Variants in GABPB1 observed in about 807,000 individuals in gnomAD.
GABPB1 encodes GA-binding protein subunit beta-1.
GABPB1 carries 15 observed loss-of-function variants against 45.9 expected under a neutral mutation model. That is an observed-to-expected ratio of 0.33 (90% confidence interval 0.22 to 0.50). GABPB1 has a LOEUF of 0.50. Among genes scored for constraint, GABPB1 ranks in the 20% least tolerant of loss-of-function variants. The probability of loss-of-function intolerance (pLI) is 0.98; values close to 1 mark genes in which losing one functional copy is unlikely to be tolerated. For missense variants in GABPB1, 252 were observed against 457.5 expected (o/e 0.55, Z 4.10); for synonymous variants, 143 against 154.4 (o/e 0.93, Z 0.55).
intron 8 of GABPB1, among the ~76,000 whole-genome samples, chr15:50,284,706 TTAAAA>T (rs2092679164): frequency 6.6e-6 from 1 of 152,202 alleles, no homozygotes; most frequent in Non-Finnish European, 1.5e-5. Flanking sequence ...TCAAGTAATT[TTAAAA>T]TAATACTTTA....
intron 8 of GABPB1, among the ~76,000 whole-genome samples, chr15:50,281,326 A>C (rs144841065): frequency 0.053 from 7,994 of 152,220 alleles, 308 homozygotes; most frequent in Non-Finnish European, 0.076. Context: ...ATTCTCCTGC[A>C]TCAGCCTCCT....
intron 8 of GABPB1, among the ~76,000 whole-genome samples, chr15:50,283,157 C>A (rs2046043750): frequency 6.6e-6 from 1 of 152,166 alleles, no homozygotes; most frequent in African/African-American, 2.4e-5. Context: ...TAATAGAAAT[C>A]TGTTACTCCT....
intron 1 of GABPB1, chr15:50,350,156 A>C (rs1426758705): frequency 1.3e-5 from 2 of 151,920 alleles, no homozygotes; most frequent in Non-Finnish European, 2.9e-5. Flanking sequence ...CCATATAATG[A>C]TCAATAGTAC....
chr15:50,305,661 A>G (rs1288563835), intron 2 of GABPB1, among the ~76,000 whole-genome samples: 1 of 152,200 alleles, frequency 6.6e-6, no homozygotes, highest in Non-Finnish European at 1.5e-5. Context: ...AAATATCTCA[A>G]CAGCCCATTT....
rs189103977 is a variant in GABPB1 at position 50,284,632 on chromosome 15, G to C, written c.999+1436C>G. ...GGTCATTAGGTAAATAAAGGTATAG[G>C]CTGCACATTCACTGTTTAAAAATAT... On this transcript the variant is annotated intron_variant, in intron 8 of 8. Coordinates refer to ENST00000380877, the MANE Select transcript of GABPB1 (RefSeq NM_016654.5). Among the ~76,000 whole-genome samples the C allele has an allele frequency of 9.9e-4, 151 of 152,218 alleles. 1 individual carries two copies. Among genetic ancestry groups the C allele is most frequent in the Middle Eastern group, 3.4e-3 (1 of 294 alleles).
At chr15:50,332,466 C>T (rs1485778969) in intron 1 of GABPB1, among the ~76,000 whole-genome samples, 1 of 151,958 alleles carries the variant, frequency 6.6e-6, no homozygotes, top group Non-Finnish European at 1.5e-5. Context: ...TTTTTTAAAT[C>T]TTTTTTTAGA....
rs934713233 is a variant in GABPB1, at chr15:50,276,041, T to TC, written c.*2590dup. ...CTAGGTGCACAGGAAAGAAAATAAT[T>TC]CATTACACCATAACACTAAATGGCT... On this transcript the variant is annotated 3_prime_UTR_variant, in exon 9 of 9. Coordinates refer to ENST00000380877, the MANE Select transcript of GABPB1 (RefSeq NM_016654.5). 6.6e-6 allele frequency: 1 copy of TC among 152,156 alleles called. No homozygotes were observed. Among genetic ancestry groups the TC allele is most frequent in the African/African-American group, 2.4e-5 (1 of 41,434 alleles). 9.4% of individuals were successfully genotyped at this position (152,156 alleles called of 1,614,324 possible).
rs28531946 is a variant in GABPB1 at position 50,276,440 on chromosome 15, T to C, written c.*2192A>G. The C allele has an allele frequency of 6.6e-6, 1 of 152,106 alleles. No individual in the cohort carries two copies. The highest frequency in any genetic ancestry group is 2.4e-5 in the African/African-American group (1 of 41,416). The allele number at this position is 152,106 out of a possible 1,614,324, so 9.4% of individuals were successfully genotyped here. A position where few individuals can be genotyped will look rare whatever the true frequency, so the allele number is the denominator to read the frequency against. ...TAAATGATTGAGAAATTATGTTATG[T>C]AACAATGACTCTGAAAAAGGTGAGC... On this transcript the variant is annotated 3_prime_UTR_variant, in exon 9 of 9. Coordinates refer to ENST00000380877, the MANE Select transcript of GABPB1 (RefSeq NM_016654.5).
intron 1 of GABPB1, among the ~76,000 whole-genome samples, chr15:50,325,294 G>A (rs1278769905): frequency 7.9e-6 from 1 of 126,106 alleles, no homozygotes; most frequent in African/African-American, 2.9e-5. Flanking sequence ...AAGGCAATAT[G>A]ATGTTATGCC....
intron 6 of GABPB1, among the ~76,000 whole-genome samples, chr15:50,295,618 C>T (rs547655870): frequency 1.4e-5 from 2 of 138,498 alleles, no homozygotes; most frequent in South Asian, 4.7e-4. Flanking sequence ...TCTGTAATTC[C>T]CAAAAAAAAA....
At chr15:50,349,325 C>T (rs1046915401) in intron 1 of GABPB1, 1 of 152,166 alleles carries the variant, frequency 6.6e-6, no homozygotes, top group Non-Finnish European at 1.5e-5. Context: ...GAATGGTGGA[C>T]TGTGATCCTA....
At chr15:50,281,093 TA>T (rs1216001593) in intron 8 of GABPB1, among the ~76,000 whole-genome samples, 2 of 152,224 alleles carry the variant, frequency 1.3e-5, no homozygotes, top group Non-Finnish European at 2.9e-5. Context: ...CCAGGTGAAA[TA>T]AAAAACTCAT....
chr15:50,282,812 T>TG (rs1013512607), intron 8 of GABPB1, among the ~76,000 whole-genome samples: 20 of 152,148 alleles, frequency 1.3e-4, no homozygotes, highest in Non-Finnish European at 1.5e-5. Context: ...CCCAGCACTC[T>TG]GGGGGGCTGA....
intron 5 of GABPB1, 87 bp from the exon 6 acceptor site, chr15:50,300,989 TAAAC>T (rs2046721840): frequency 1.0e-5 from 9 of 897,728 alleles, no homozygotes; most frequent in East Asian, 2.6e-5. Flanking sequence ...TACTGACTCT[TAAAC>T]AAAGCTTGGA....
At chr15:50,308,630 C>G (rs957648535) in intron 2 of GABPB1, among the ~76,000 whole-genome samples, 1 of 152,150 alleles carries the variant, frequency 6.6e-6, no homozygotes, top group Non-Finnish European at 1.5e-5. Context: ...GTACCCCAAG[C>G]CAGTGAGGTG....
At chr15:50,328,348 C>T (rs1363029765) in intron 1 of GABPB1, among the ~76,000 whole-genome samples, 3 of 152,092 alleles carry the variant, frequency 2.0e-5, no homozygotes, top group African/African-American at 2.4e-5. Flanking sequence ...CTACCTCTCC[C>T]GTTTTTCTCC....
At chr15:50,330,220 C>T (rs1419139788) in intron 1 of GABPB1, among the ~76,000 whole-genome samples, 1 of 152,080 alleles carries the variant, frequency 6.6e-6, no homozygotes, top group Admixed American at 6.6e-5. Flanking sequence ...CCCTACTTCT[C>T]ACACCAAAGG....
At chr15:50,342,926 A>G (rs1243750489) in intron 1 of GABPB1, among the ~76,000 whole-genome samples, 1 of 152,102 alleles carries the variant, frequency 6.6e-6, no homozygotes, top group Non-Finnish European at 1.5e-5. Flanking sequence ...TTTGAGATGG[A>G]GTCTCGCTCT....
intron 1 of GABPB1, among the ~76,000 whole-genome samples, chr15:50,321,297 G>A (rs1409574866): frequency 6.6e-6 from 1 of 152,068 alleles, no homozygotes; most frequent in Non-Finnish European, 1.5e-5. Flanking sequence ...CAGTGTACAA[G>A]AATAACTGCT....
Sources: gnomAD v4.1 joint callset for allele counts (sites outside exome capture counted in the v4.1 genomes callset) on GRCh38, gnomAD v4.1.1 for gene constraint, MANE v1.5 for transcripts, NCBI Gene and HGNC (gene_info 2026-07-23, HGNC 2026-07-21) for gene names.